PCDH15: variants seen among roughly 807,000 people sequenced by gnomAD.
The protein encoded by PCDH15 is protocadherin related 15.
Under a neutral mutation model 178.5 loss-of-function variants are expected in PCDH15, and 129 were observed. The ratio of observed to expected loss-of-function variants is 0.72; its 90% CI spans 0.63 to 0.84. The LOEUF is 0.84. Among genes scored for constraint, PCDH15 ranks in the 40% least tolerant of loss-of-function variants. PCDH15 has a pLI of 0.00. For synonymous variants in PCDH15, 800 were observed against 732.0 expected (o/e 1.09, Z -1.50); for missense variants, 2,230 against 2,099.9 (o/e 1.06, Z -1.21).
intron 2 of PCDH15, among the ~76,000 whole-genome samples, chr10:55,337,013 T>A (rs1203893740): frequency 6.6e-6 from 1 of 152,108 alleles, no homozygotes; most frequent in Non-Finnish European, 1.5e-5. Context: ...CCCTCAATTG[T>A]AACAGCTAAA....
chr10:54,747,806 A>ATTTT (rs10628733), intron 1 of PCDH15, among the ~76,000 whole-genome samples: 22,737 of 135,286 alleles, frequency 0.17, 2,443 homozygotes, highest in East Asian at 0.32. Context: ...CAATGGTTAC[A>ATTTT]TTTTTTTTTT....
chr10:54,462,506 T>C (rs1426859882), intron 3 of PCDH15, among the ~76,000 whole-genome samples: 4 of 126,528 alleles, frequency 3.2e-5, no homozygotes, highest in African/African-American at 9.0e-5. Flanking sequence ...TTTTTCTTTT[T>C]CTTTTCTTTT....
chr10:55,539,329 C>T (rs1026478925), intron 2 of PCDH15, among the ~76,000 whole-genome samples: 1 of 151,972 alleles, frequency 6.6e-6, no homozygotes, highest in Non-Finnish European at 1.5e-5. Context: ...ACATTAATAT[C>T]ATTTTACTAT....
At chr10:55,572,810 G>C (rs150334435) in intron 2 of PCDH15, among the ~76,000 whole-genome samples, 157 of 152,100 alleles carry the variant, frequency 1.0e-3, no homozygotes, top group African/African-American at 3.5e-3. Flanking sequence ...CAGAGTGTTC[G>C]TGTAAAGTGC....
intron 2 of PCDH15, among the ~76,000 whole-genome samples, chr10:55,020,474 T>A (rs1840297361): frequency 6.6e-6 from 1 of 151,734 alleles, no homozygotes; most frequent in African/African-American, 2.4e-5. Flanking sequence ...TAAATGAGTA[T>A]GTTGTAATAG....
chr10:54,108,895 A>G (rs926968006), intron 15 of PCDH15, among the ~76,000 whole-genome samples: 3 of 152,210 alleles, frequency 2.0e-5, no homozygotes, highest in Admixed American at 2.0e-4. Flanking sequence ...GGGCAAAAAT[A>G]GAAACCTCTG....
intron 3 of PCDH15, among the ~76,000 whole-genome samples, chr10:54,860,939 A>G (rs1441683680): frequency 6.6e-6 from 1 of 152,162 alleles, no homozygotes; most frequent in African/African-American, 2.4e-5. Flanking sequence ...ATTAAGCACA[A>G]TAGGGAATCT....
At chr10:55,308,384 C>T (rs1843486156) in intron 1 of PCDH15, among the ~76,000 whole-genome samples, 2 of 152,108 alleles carry the variant, frequency 1.3e-5, no homozygotes, top group Admixed American at 1.3e-4. Flanking sequence ...AAACACTTTC[C>T]ACTCGTATAC....
chr10:55,056,759 A>C (rs987706485), intron 2 of PCDH15, among the ~76,000 whole-genome samples: 2 of 151,658 alleles, frequency 1.3e-5, no homozygotes, highest in Non-Finnish European at 2.9e-5. Flanking sequence ...CAGCCTCCCG[A>C]GTAGCTGGGA....
chr10:54,389,709 CGGGT>C (rs1565154236), intron 3 of PCDH15, among the ~76,000 whole-genome samples: 1 of 148,934 alleles, frequency 6.7e-6, no homozygotes, highest in Non-Finnish European at 1.5e-5. Flanking sequence ...GAGGCCGAGG[CGGGT>C]GGATCACTTG....
intron 3 of PCDH15, among the ~76,000 whole-genome samples, chr10:54,515,715 C>G (rs907182017): frequency 6.6e-6 from 1 of 152,220 alleles, no homozygotes; most frequent in Admixed American, 6.5e-5. Context: ...AGCAGCCTAA[C>G]TGGGAGGCAT....
chr10:54,291,008 G>A (rs1168761490), intron 8 of PCDH15, among the ~76,000 whole-genome samples: 1 of 152,030 alleles, frequency 6.6e-6, no homozygotes, highest in East Asian at 1.9e-4. Flanking sequence ...GGTTAACAAG[G>A]ATATCCAGGA....
At chr10:55,194,084 T>C (rs1840016634) in intron 1 of PCDH15, among the ~76,000 whole-genome samples, 1 of 152,080 alleles carries the variant, frequency 6.6e-6, no homozygotes, top group African/African-American at 2.4e-5. Context: ...CTTGATATTA[T>C]TATTCTCACC....
chr10:54,619,249 A>G (rs2093280813), intron 2 of PCDH15: 1 of 152,032 alleles, frequency 6.6e-6, no homozygotes, highest in Non-Finnish European at 1.5e-5. Flanking sequence ...CCTAACTTCA[A>G]AGAGATTTTA....
chr10:54,210,561 G>A lies in PCDH15; in HGVS notation c.1098+3375C>T, dbSNP rs369837966. The stretch of plus-strand genomic sequence containing the variant: ...CTAACAGTGGCTATGCCTTTCGAGG[G>A]CAAATGTCTTCTTAGTTAAAAACTG... On this transcript the variant is annotated intron_variant, in intron 10 of 37. Coordinates refer to ENST00000644397, the MANE Select transcript of PCDH15 (RefSeq NM_001384140.1). Among the ~76,000 whole-genome samples, 6 of 152,144 alleles carry A rather than the reference G, an allele frequency of 3.9e-5. No individual in the cohort carries two copies. In the South Asian group the frequency reaches 1.2e-3, roughly 32 times the overall value.
intron 1 of PCDH15, among the ~76,000 whole-genome samples, chr10:54,761,476 G>C (rs1239536683): frequency 6.6e-6 from 1 of 152,056 alleles, no homozygotes; most frequent in Non-Finnish European, 1.5e-5. Flanking sequence ...GAGGTCAGGA[G>C]TTTGAGACCC....
intron 1 of PCDH15, among the ~76,000 whole-genome samples, chr10:54,729,679 C>T (rs111825085): frequency 0.12 from 18,468 of 151,196 alleles, 1,251 homozygotes; most frequent in African/African-American, 0.17. Context: ...ATATCCAGAA[C>T]CTATAAGGAA....
chr10:55,297,623 G>T (rs941972144), intron 1 of PCDH15, among the ~76,000 whole-genome samples: 12 of 151,892 alleles, frequency 7.9e-5, no homozygotes, highest in Non-Finnish European at 1.3e-4. Context: ...CAATTTATAT[G>T]ACTTTAAATG....
chr10:55,360,430 A>G (rs949674799), intron 2 of PCDH15, among the ~76,000 whole-genome samples: 6 of 151,998 alleles, frequency 3.9e-5, no homozygotes, highest in Non-Finnish European at 7.4e-5. Flanking sequence ...TTAAGAGACC[A>G]TTAAGACAGT....
Sources: gnomAD v4.1 joint callset for allele counts (sites outside exome capture counted in the v4.1 genomes callset) on GRCh38, gnomAD v4.1.1 for gene constraint, MANE v1.5 for transcripts, NCBI Gene and HGNC (gene_info 2026-07-23, HGNC 2026-07-21) for gene names.